The following SPAG16 variants were observed in gnomAD, a reference collection of about 807,000 sequenced individuals.
SPAG16 encodes sperm associated antigen 16.
In SPAG16, 86 loss-of-function variants were observed where a neutral mutation model predicts 80.4. The ratio of observed to expected loss-of-function variants is 1.07; its 90% CI spans 0.90 to 1.28. SPAG16 has a LOEUF of 1.28. Among genes scored for constraint, SPAG16 ranks in the 50% most tolerant of loss-of-function variants. SPAG16 has a pLI of 0.00. For missense variants in SPAG16, 870 were observed against 765.3 expected, an observed-to-expected ratio of 1.14 and a Z score of -1.61; for synonymous variants, 294 against 265.9, an observed-to-expected ratio of 1.11 and a Z score of -1.03.
At chr2:213,652,158 A>C (rs1011897773) in intron 10 of SPAG16, among the ~76,000 whole-genome samples, 1 of 152,168 alleles carries the variant, frequency 6.6e-6, no homozygotes, top group African/African-American at 2.4e-5. Flanking sequence ...ATACTACTTA[A>C]CTGCTCTTTG....
chr2:213,672,339 T>TTTTCC (rs1179984260), intron 10 of SPAG16, among the ~76,000 whole-genome samples: 2 of 152,108 alleles, frequency 1.3e-5, no homozygotes, highest in East Asian at 1.9e-4. Flanking sequence ...TTTTTTCTTC[T>TTTTCC]TTTCCTTTCC....
intron 14 of SPAG16, among the ~76,000 whole-genome samples, chr2:214,117,136 T>C (rs575840312): frequency 6.6e-6 from 1 of 152,220 alleles, no homozygotes; most frequent in South Asian, 2.1e-4. Flanking sequence ...TTGAGAAATT[T>C]ATCAGGGAAA....
chr2:213,633,822 G>A (rs984649565), intron 10 of SPAG16, among the ~76,000 whole-genome samples: 1 of 151,912 alleles, frequency 6.6e-6, no homozygotes, highest in African/African-American at 2.4e-5. Flanking sequence ...AATCTATTTT[G>A]TCTGATAGAA....
chr2:213,405,266 T>C (rs1055421937), intron 9 of SPAG16, among the ~76,000 whole-genome samples: 3 of 152,164 alleles, frequency 2.0e-5, no homozygotes, highest in African/African-American at 4.8e-5. Flanking sequence ...TTATGTTTTT[T>C]GGAAGAATAT....
intron 15 of SPAG16, among the ~76,000 whole-genome samples, chr2:214,340,562 G>A (rs900606005): frequency 2.6e-5 from 4 of 152,166 alleles, no homozygotes; most frequent in East Asian, 1.9e-4. Flanking sequence ...GAGCATGATG[G>A]GCCGTGGGTG....
chr2:213,728,694 G>A lies in SPAG16; in HGVS notation c.1071-133791G>A, dbSNP rs185394490. ...AGATCGAGACCATCCTGGCTAACAC[G>A]GTGAAACCCTGTCTCTACTAAAAAT... On this transcript the variant is annotated intron_variant, in intron 10 of 15. Transcript: ENST00000331683. 4.5e-3 allele frequency among the ~76,000 whole-genome samples: 682 copies of A among 151,856 alleles called. 7 individuals carry two copies. The highest frequency in any genetic ancestry group is 0.015 in the African/African-American group (638 of 41,396).
intron 10 of SPAG16, among the ~76,000 whole-genome samples, chr2:213,614,309 T>TCCCTTGTATTTAAA (rs2061528439): frequency 2.6e-5 from 4 of 152,232 alleles, no homozygotes; most frequent in African/African-American, 9.6e-5. Flanking sequence ...GGGATACAAA[T>TCCCTTGTATTTAAA]GGCATAATAA....
At chr2:213,547,871 CACTT>C (rs964910896) in intron 10 of SPAG16, among the ~76,000 whole-genome samples, 1 of 152,276 alleles carries the variant, frequency 6.6e-6, no homozygotes, top group African/African-American at 2.4e-5. Flanking sequence ...TTGTTTTTAT[CACTT>C]ACGTCTAAAG....
At chr2:213,455,837 G>A (rs1385078835) in intron 9 of SPAG16, among the ~76,000 whole-genome samples, 2 of 152,126 alleles carry the variant, frequency 1.3e-5, no homozygotes, top group South Asian at 2.1e-4. Context: ...GAGGGTTGGC[G>A]ACCCCTGCTC....
rs116796662 is a variant in SPAG16, at chr2:213,991,159, C to G, written c.1401-22792C>G. Among the ~76,000 whole-genome samples the G allele has an allele frequency of 9.5e-3, 1,450 of 152,198 alleles. 27 individuals are homozygous for G. Among genetic ancestry groups the G allele is most frequent in the African/African-American group, 0.033 (1,377 of 41,534 alleles). ...CTAATGCTATCTCTCCCCTAGCCCC[C>G]ACTCCCCGTCAGGCCCTGGTGTGTG... is the stretch of plus-strand genomic sequence containing the variant. On this transcript the variant is annotated intron_variant, in intron 12 of 15. Coordinates refer to ENST00000331683, the MANE Select transcript of SPAG16 (RefSeq NM_024532.5).
chr2:214,180,025 A>T (rs1020872070), intron 15 of SPAG16, among the ~76,000 whole-genome samples: 2 of 151,592 alleles, frequency 1.3e-5, no homozygotes, highest in African/African-American at 2.4e-5. Context: ...TAGTATGGGT[A>T]TATGCGAAAT....
At chr2:213,705,140 A>T (rs2065682462) in intron 10 of SPAG16, among the ~76,000 whole-genome samples, 1 of 151,990 alleles carries the variant, frequency 6.6e-6, no homozygotes, top group South Asian at 2.1e-4. Context: ...CGCAGCTACT[A>T]GGGAGGCTGA....
chr2:213,614,960 C>G (rs1488455060), intron 10 of SPAG16, among the ~76,000 whole-genome samples: 1 of 152,192 alleles, frequency 6.6e-6, no homozygotes, highest in Non-Finnish European at 1.5e-5. Context: ...CTGCTGAGGA[C>G]TATCCTAAGT....
chr2:213,401,462 C>A (rs532425644), intron 9 of SPAG16, among the ~76,000 whole-genome samples: 1 of 152,170 alleles, frequency 6.6e-6, no homozygotes, highest in Non-Finnish European at 1.5e-5. Context: ...GTATAAAACT[C>A]AAGAACTGGT....
chr2:213,452,295 A>G (rs1440143095), intron 9 of SPAG16, among the ~76,000 whole-genome samples: 2 of 152,180 alleles, frequency 1.3e-5, no homozygotes, highest in African/African-American at 2.4e-5. Flanking sequence ...ATTTCTTTCT[A>G]TCTCCTGTAA....
chr2:213,641,147 G>T (rs987265882), intron 10 of SPAG16, among the ~76,000 whole-genome samples: 1 of 152,110 alleles, frequency 6.6e-6, no homozygotes. Flanking sequence ...TTGTTCTCAA[G>T]CCAATGGAGT....
chr2:213,889,266 G>A (rs1393848283), intron 11 of SPAG16, among the ~76,000 whole-genome samples: 1 of 151,686 alleles, frequency 6.6e-6, no homozygotes, highest in African/African-American at 2.4e-5. Flanking sequence ...TCTATATAGT[G>A]TATAAATATA....
chr2:213,644,560 C>T (rs2062747683), intron 10 of SPAG16, among the ~76,000 whole-genome samples: 1 of 152,170 alleles, frequency 6.6e-6, no homozygotes, highest in Non-Finnish European at 1.5e-5. Flanking sequence ...TAGGGGGCTC[C>T]CCAAACCCAG....
chr2:213,332,287 G>A (rs1201966159), intron 5 of SPAG16, among the ~76,000 whole-genome samples: 1 of 152,090 alleles, frequency 6.6e-6, no homozygotes, highest in Non-Finnish European at 1.5e-5. Context: ...GGAAAATCTA[G>A]GGGAAATGGA....
Sources: gnomAD v4.1 joint callset for allele counts (sites outside exome capture counted in the v4.1 genomes callset) on GRCh38, gnomAD v4.1.1 for gene constraint, MANE v1.5 for transcripts, NCBI Gene and HGNC (gene_info 2026-07-23, HGNC 2026-07-21) for gene names.